Variants in RIMS2 observed in about 807,000 individuals in gnomAD.
RIMS2 encodes regulating synaptic membrane exocytosis protein 2.
A neutral mutation model predicts 174.4 loss-of-function variants in RIMS2; 59 were observed. That is an observed-to-expected ratio of 0.34 (90% CI 0.27 to 0.42). RIMS2 has a LOEUF of 0.42. Ranked by LOEUF, RIMS2 falls within the 10% of genes least tolerant of loss-of-function variation. RIMS2 has a pLI of 1.00. For missense variants in RIMS2, 1,620 were observed against 1,666.3 expected (o/e 0.97, Z 0.48); for synonymous variants, 606 against 572.5 (o/e 1.06, Z -0.84).
At chr8:104,113,960 C>T (rs1357860495) in intron 19 of RIMS2, among the ~76,000 whole-genome samples, 1 of 151,746 alleles carries the variant, frequency 6.6e-6, no homozygotes, top group Admixed American at 6.6e-5. Flanking sequence ...AAAATAACCA[C>T]AAATAAGGAA....
chr8:103,555,254 G>A (rs879322671), intron 1 of RIMS2, among the ~76,000 whole-genome samples: 2 of 152,016 alleles, frequency 1.3e-5, no homozygotes, highest in Non-Finnish European at 2.9e-5. Flanking sequence ...TGGCCAATAG[G>A]TATATGAAAA....
At chr8:103,664,708 G>T (rs1487552877) in intron 1 of RIMS2, among the ~76,000 whole-genome samples, 1 of 152,182 alleles carries the variant, frequency 6.6e-6, no homozygotes, top group African/African-American at 2.4e-5. Context: ...CATTGTGGAA[G>T]ACAGTGTGAC....
intron 1 of RIMS2, among the ~76,000 whole-genome samples, chr8:103,544,444 G>C (rs555198466): frequency 3.0e-4 from 46 of 152,364 alleles, no homozygotes; most frequent in African/African-American, 1.0e-3. Context: ...GCCTGCTAGA[G>C]CTTCCAGCTT....
chr8:103,860,346 GT>G (rs1350472955), intron 3 of RIMS2, among the ~76,000 whole-genome samples: 2 of 151,990 alleles, frequency 1.3e-5, no homozygotes, highest in African/African-American at 2.4e-5. Flanking sequence ...TTTCTTATTT[GT>G]ACAAATGATA....
intron 19 of RIMS2, among the ~76,000 whole-genome samples, chr8:104,121,587 G>A (rs766295025): frequency 5.9e-5 from 9 of 152,134 alleles, no homozygotes; most frequent in Non-Finnish European, 1.3e-4. Flanking sequence ...TGTGTAAATA[G>A]GTTTTGGTAT....
intron 2 of RIMS2, among the ~76,000 whole-genome samples, chr8:103,735,574 G>A (rs1388939083): frequency 6.6e-6 from 1 of 152,106 alleles, no homozygotes; most frequent in East Asian, 1.9e-4. Context: ...ATTTTCACCT[G>A]TGAACTTATT....
chr8:103,926,281 C>G (rs753095982), intron 10 of RIMS2, among the ~76,000 whole-genome samples: 2 of 151,524 alleles, frequency 1.3e-5, no homozygotes, highest in Non-Finnish European at 3.0e-5. Context: ...CCAAATTTCT[C>G]TATGAATTTC....
At chr8:103,748,533 T>C (rs945130121) in intron 2 of RIMS2, among the ~76,000 whole-genome samples, 4 of 152,150 alleles carry the variant, frequency 2.6e-5, no homozygotes, top group Admixed American at 2.6e-4. Context: ...AACTTTTTTC[T>C]CTGAATTAAC....
intron 16 of RIMS2, chr8:103,977,343 C>T (rs936089119): frequency 6.6e-6 from 1 of 152,292 alleles, no homozygotes; most frequent in East Asian, 1.9e-4. Flanking sequence ...AAATGTGATA[C>T]ACTTATCAAT....
chr8:103,822,273 T>G (rs2098756749), intron 3 of RIMS2, among the ~76,000 whole-genome samples: 1 of 151,762 alleles, frequency 6.6e-6, no homozygotes, highest in Admixed American at 6.6e-5. Flanking sequence ...TCAACTTTCA[T>G]TAGGATTTTA....
intron 2 of RIMS2, among the ~76,000 whole-genome samples, chr8:103,754,313 T>A (rs1195737800): frequency 1.3e-5 from 2 of 152,196 alleles, no homozygotes; most frequent in Non-Finnish European, 2.9e-5. Context: ...ATAATTTCTG[T>A]TGTTTTACAT....
chr8:103,651,631 G>C (rs996353051), intron 1 of RIMS2, among the ~76,000 whole-genome samples: 3 of 151,938 alleles, frequency 2.0e-5, no homozygotes, highest in African/African-American at 7.3e-5. Context: ...ATAGTTGTTT[G>C]CATAATTAAC....
chr8:104,175,446 G>T (rs546341899), intron 19 of RIMS2, among the ~76,000 whole-genome samples: 1 of 151,936 alleles, frequency 6.6e-6, no homozygotes, highest in Non-Finnish European at 1.5e-5. Context: ...TCCTTTTATT[G>T]TGTTACAATC....
At chr8:103,787,695 G>C (rs1357351163) in intron 3 of RIMS2, among the ~76,000 whole-genome samples, 1 of 152,144 alleles carries the variant, frequency 6.6e-6, no homozygotes, top group East Asian at 1.9e-4. Context: ...CTCTCTGGCT[G>C]CCCTTAACAT....
intron 3 of RIMS2, among the ~76,000 whole-genome samples, chr8:103,780,681 C>A (rs1240096049): frequency 6.6e-6 from 1 of 152,068 alleles, no homozygotes; most frequent in African/African-American, 2.4e-5. Context: ...TTCCTTAAAA[C>A]TGCTATTTTT....
intron 2 of RIMS2, among the ~76,000 whole-genome samples, chr8:103,735,025 G>T: frequency 6.6e-6 from 1 of 152,058 alleles, no homozygotes; most frequent in East Asian, 1.9e-4. Flanking sequence ...CCTGCGTCTG[G>T]GGTTGCAGGG....
chr8:103,624,400 A>G (rs1433980402), intron 1 of RIMS2, among the ~76,000 whole-genome samples: 1 of 152,154 alleles, frequency 6.6e-6, no homozygotes, highest in Non-Finnish European at 1.5e-5. Flanking sequence ...CAGCTCCACT[A>G]GTTCTCACAC....
chr8:104,030,267 C>T (rs771041574), intron 19 of RIMS2, among the ~76,000 whole-genome samples: 4 of 152,110 alleles, frequency 2.6e-5, no homozygotes, highest in Non-Finnish European at 5.9e-5. Context: ...GGGAGGATAA[C>T]TTGAGACCAG....
intron 11 of RIMS2, among the ~76,000 whole-genome samples, chr8:103,931,005 G>A (rs1038462295): frequency 2.0e-5 from 3 of 152,040 alleles, no homozygotes; most frequent in African/African-American, 4.8e-5. Flanking sequence ...GTAATTATTT[G>A]CATGTTAATA....
Sources: gnomAD v4.1 joint callset for allele counts (sites outside exome capture counted in the v4.1 genomes callset) on GRCh38, gnomAD v4.1.1 for gene constraint, MANE v1.5 for transcripts, NCBI Gene and HGNC (gene_info 2026-07-23, HGNC 2026-07-21) for gene names.